MAP6: variants seen among roughly 807,000 people sequenced by gnomAD.
MAP6 encodes the protein microtubule associated protein 6.
A neutral mutation model predicts 42.4 loss-of-function variants in MAP6; 26 were observed. The ratio of observed to expected loss-of-function variants is 0.61; its 90% CI spans 0.45 to 0.85. The LOEUF (loss-of-function observed/expected upper bound fraction) is 0.85, where lower values mean the gene tolerates loss of function less well. Ranked by LOEUF, MAP6 falls within the 40% of genes least tolerant of loss-of-function variation. MAP6 has a pLI of 0.00. For synonymous variants in MAP6, 418 were observed against 443.8 expected (o/e 0.94, Z 0.73); for missense variants, 966 against 1,099.0 (o/e 0.88, Z 1.71).
chr11:75,633,512 C>A (rs1943317405), intron 1 of MAP6, among the ~76,000 whole-genome samples: 1 of 152,172 alleles, frequency 6.6e-6, no homozygotes, highest in African/African-American at 2.4e-5. Context: ...TCTTGGAGAG[C>A]AGTGACTTAC....
At chr11:75,604,947 C>T (rs1942732023) in intron 3 of MAP6, 1 of 985,468 alleles carries the variant, frequency 1.0e-6, no homozygotes, top group Non-Finnish European at 1.2e-6. Context: ...AAATTCCAAA[C>T]ACACTATCCC....
intron 1 of MAP6, among the ~76,000 whole-genome samples, chr11:75,638,847 G>A (rs1943414831): frequency 6.6e-6 from 1 of 152,184 alleles, no homozygotes; most frequent in Admixed American, 6.5e-5. Context: ...AAAAAAGACA[G>A]CTGCTGCTGT....
At chr11:75,617,457 A>C (rs2135603876) in intron 1 of MAP6, among the ~76,000 whole-genome samples, 1 of 134,900 alleles carries the variant, frequency 7.4e-6, no homozygotes, top group Non-Finnish European at 1.5e-5. Context: ...CGGAGGTTAC[A>C]GTGAGCCAAG....
At chr11:75,634,226 T>C (rs1943332255) in intron 1 of MAP6, among the ~76,000 whole-genome samples, 1 of 152,200 alleles carries the variant, frequency 6.6e-6, no homozygotes, top group Non-Finnish European at 1.5e-5. Context: ...TTTATTCTAC[T>C]TTATGGAAGT....
chr11:75,663,421 A>G (rs1281274430), intron 1 of MAP6, among the ~76,000 whole-genome samples: 6 of 152,356 alleles, frequency 3.9e-5, no homozygotes, highest in Middle Eastern at 3.4e-3. Context: ...CAACTAAATG[A>G]AATTGACTCT....
intron 1 of MAP6, among the ~76,000 whole-genome samples, chr11:75,610,394 T>C (rs938571308): frequency 6.6e-6 from 1 of 152,222 alleles, no homozygotes; most frequent in Non-Finnish European, 1.5e-5. Context: ...ATTCACGAAA[T>C]ATGTACTGAG....
chr11:75,640,048 A>G (rs1943436127), intron 1 of MAP6, among the ~76,000 whole-genome samples: 1 of 151,934 alleles, frequency 6.6e-6, no homozygotes, highest in African/African-American at 2.4e-5. Context: ...CAACCTCCAC[A>G]CTGGTAACCA....
chr11:75,664,255 C>G (rs1157952614), intron 1 of MAP6, among the ~76,000 whole-genome samples: 6 of 152,108 alleles, frequency 3.9e-5, no homozygotes, highest in Non-Finnish European at 8.8e-5. Context: ...CCAAAGCTAT[C>G]CTGGATACTA....
intron 1 of MAP6, among the ~76,000 whole-genome samples, chr11:75,665,997 T>TGA (rs1167223391): frequency 5.9e-5 from 9 of 152,294 alleles, no homozygotes; most frequent in Admixed American, 5.2e-4. Flanking sequence ...CCTCAGCCTA[T>TGA]GAGAGAGTAT....
chr11:75,588,662 G>T (rs1942416620), intron 3 of MAP6, among the ~76,000 whole-genome samples: 1 of 152,052 alleles, frequency 6.6e-6, no homozygotes, highest in Non-Finnish European at 1.5e-5. Context: ...TTGCCTCCCT[G>T]ACTCCCTGAC....
chr11:75,596,048 T>A (rs1230106471), intron 3 of MAP6: 6 of 152,252 alleles, frequency 3.9e-5, no homozygotes, highest in African/African-American at 1.4e-4. Flanking sequence ...TTACATGACA[T>A]GAAAATGTTT....
chr11:75,653,889 T>C (rs1014448391), intron 1 of MAP6, among the ~76,000 whole-genome samples: 1 of 152,196 alleles, frequency 6.6e-6, no homozygotes, highest in Non-Finnish European at 1.5e-5. Context: ...CCAGGGACAA[T>C]GATGATGAGG....
At chr11:75,588,715 T>C (rs1942418348) in intron 3 of MAP6, among the ~76,000 whole-genome samples, 1 of 152,142 alleles carries the variant, frequency 6.6e-6, no homozygotes, top group South Asian at 2.1e-4. Flanking sequence ...AAGGGGTCCA[T>C]GGCATACCAG....
intron 1 of MAP6, among the ~76,000 whole-genome samples, chr11:75,628,544 G>C (rs1186112249): frequency 1.3e-5 from 2 of 152,226 alleles, no homozygotes; most frequent in Non-Finnish European, 2.9e-5. Context: ...GGCAGTAGAA[G>C]CCCACTGTAG....
intron 1 of MAP6, among the ~76,000 whole-genome samples, chr11:75,652,813 T>G (rs1590805528): frequency 6.8e-6 from 1 of 146,200 alleles, no homozygotes; most frequent in African/African-American, 2.5e-5. Flanking sequence ...CACTCTAGCC[T>G]GGGCGATTGA....
chr11:75,640,448 G>A (rs1370072434), intron 1 of MAP6, among the ~76,000 whole-genome samples: 1 of 152,286 alleles, frequency 6.6e-6, no homozygotes, highest in East Asian at 1.9e-4. Flanking sequence ...AAACATGACT[G>A]TTTGGGGCCA....
intron 1 of MAP6, among the ~76,000 whole-genome samples, chr11:75,663,245 C>T (rs1174668267): frequency 4.6e-5 from 7 of 152,256 alleles, no homozygotes; most frequent in African/African-American, 1.4e-4. Context: ...TCCTGATGTG[C>T]TGGGATTACA....
rs999518657 is a variant in MAP6, at chr11:75,663,710, T to C, written c.905+3755A>G. Among the ~76,000 whole-genome samples, 5 of 152,174 alleles carry C rather than the reference T, an allele frequency of 3.3e-5. No individual in the cohort carries two copies. In the East Asian group the frequency reaches 7.7e-4, roughly 23 times the overall value. Reference sequence around the variant, plus strand: ...ATCGCTGTAGACTCAGTATCCAAGATTGGCCTCGAGGCATTGCTGGGATTG... The same window carrying C: ...ATCGCTGTAGACTCAGTATCCAAGACTGGCCTCGAGGCATTGCTGGGATTG... On this transcript the variant is annotated intron_variant, in intron 1 of 3. Coordinates refer to ENST00000304771, the MANE Select transcript of MAP6 (RefSeq NM_033063.2).
chr11:75,619,516 C>A (rs1312265576), intron 1 of MAP6, among the ~76,000 whole-genome samples: 2 of 152,154 alleles, frequency 1.3e-5, no homozygotes, highest in East Asian at 3.8e-4. Flanking sequence ...CCACCTTCCA[C>A]CTTCTGATAG....
Sources: gnomAD v4.1 joint callset for allele counts (sites outside exome capture counted in the v4.1 genomes callset) on GRCh38, gnomAD v4.1.1 for gene constraint, MANE v1.5 for transcripts, NCBI Gene and HGNC (gene_info 2026-07-23, HGNC 2026-07-21) for gene names.